TMCO6: variants seen among roughly 807,000 people sequenced by gnomAD.
TMCO6 encodes the protein transmembrane and coiled-coil domain-containing protein 6.
A neutral mutation model predicts 61.8 loss-of-function variants in TMCO6; 47 were observed. That is an observed-to-expected ratio of 0.76 (90% CI 0.60 to 0.97). TMCO6 has a LOEUF of 0.97. Ranked by LOEUF, TMCO6 falls within the 50% of genes least tolerant of loss-of-function variation. TMCO6 has a pLI of 0.00. For synonymous variants in TMCO6, 261 were observed against 254.2 expected (o/e 1.03, Z -0.25); for missense variants, 557 against 601.6 (o/e 0.93, Z 0.78).
chr5:140,602,377 A>G, the TMCO6 span, among the ~76,000 whole-genome samples: 1 of 152,164 alleles, frequency 6.6e-6, no homozygotes, highest in East Asian at 1.9e-4. Context: ...TCCCACTTAT[A>G]GTACTTAGAG....
downstream of TMCO6, among the ~76,000 whole-genome samples, chr5:140,646,160 G>A (rs866076099): frequency 3.3e-5 from 5 of 151,938 alleles, no homozygotes; most frequent in Admixed American, 1.3e-4. Context: ...ACAGGTGCCC[G>A]CCACCACACC....
rs1308015041 is a variant in TMCO6, at chr5:140,645,276, C to T, written c.*178C>T. The T allele has an allele frequency of 2.8e-6, 2 of 718,552 alleles. No homozygotes were observed. The highest frequency in any genetic ancestry group is 4.7e-6 in the Non-Finnish European group (2 of 422,374). 44.5% of individuals were successfully genotyped at this position (718,552 alleles called of 1,614,324 possible). ...ACTCAGCACTATCCAGGCAGGAGGA[C>T]CAAAAGGGACTCAGTGTGGTCTACT... On this transcript the variant is annotated 3_prime_UTR_variant, in exon 12 of 12. Transcript: ENST00000394671.
At chr5:140,614,132 C>T in the TMCO6 span, among the ~76,000 whole-genome samples, 2 of 152,096 alleles carry the variant, frequency 1.3e-5, no homozygotes, top group African/African-American at 4.8e-5. Flanking sequence ...ATCTCCTGAC[C>T]TTGTGATCCG....
chr5:140,647,544 G>C (rs35672074), downstream of TMCO6: 1,833 of 1,611,968 alleles, frequency 1.1e-3, 10 homozygotes, highest in Non-Finnish European at 9.6e-4. Context: ...CGCAGGCCCA[G>C]CTTTGCCCCG....
At position 140,644,708 on chromosome 5, in the gene TMCO6, C is replaced by T; in HGVS notation, c.1336C>T (p.Leu446=). The T allele has an allele frequency of 6.2e-7, 1 of 1,614,230 alleles. No homozygotes were observed. Among genetic ancestry groups the T allele is most frequent in the Non-Finnish European group, 8.5e-7 (1 of 1,180,040 alleles). Residue 446 remains leucine, a synonymous_variant, in exon 11 of 12, where the codon CTG becomes TTG. Transcript: ENST00000394671. ...DTEVVGQSLE[L]LHLLFLYQPE... is the part of the protein sequence containing the mutation. ...TGAAGTAGTAGGCCAGAGTTTGGAG[C>T]TGCTGCATCTGCTGTTCCTGTATCA... is the stretch of plus-strand genomic sequence containing the variant.
In TMCO6 at chr5:140,641,791, A is replaced by G. The variant is rs1422746779; in HGVS notation, c.314+11A>G. The stretch of plus-strand genomic sequence containing the variant: ...GCAAACCTTCATCCGGTCAGTGTGG[A>G]TGGTGTGGTGGAGGGAGGAGTTGGG... On this transcript the variant is annotated intron_variant, in intron 3 of 11. Coordinates refer to ENST00000394671, the MANE Select transcript of TMCO6 (RefSeq NM_018502.5). 1 of 1,614,072 alleles carries G rather than the reference A, an allele frequency of 6.2e-7. No individual in the cohort carries two copies. Among genetic ancestry groups the G allele is most frequent in the African/African-American group, 1.3e-5 (1 of 74,936 alleles).
upstream of TMCO6, among the ~76,000 whole-genome samples, chr5:140,638,566 T>C (rs1756836195): frequency 1.9e-5 from 1 of 51,970 alleles, no homozygotes; most frequent in Non-Finnish European, 4.2e-5. Context: ...TCTTTCTTTC[T>C]TTTTTTTTTT....
At chr5:140,613,025 C>A in the TMCO6 span, among the ~76,000 whole-genome samples, 1 of 152,062 alleles carries the variant, frequency 6.6e-6, no homozygotes, top group Non-Finnish European at 1.5e-5. Flanking sequence ...AAAAAAGATA[C>A]AAATAAAGAA....
At chr5:140,611,123 C>T in the TMCO6 span, among the ~76,000 whole-genome samples, 47 of 152,244 alleles carry the variant, frequency 3.1e-4, no homozygotes, top group African/African-American at 1.1e-3. Flanking sequence ...GGGCTTCTAA[C>T]CAAGTTAGGT....
the TMCO6 span, chr5:140,633,076 G>A: frequency 6.2e-7 from 1 of 1,614,138 alleles, no homozygotes; most frequent in Non-Finnish European, 8.5e-7. Context: ...CACCATGGTC[G>A]ATAAGTCTTC....
chr5:140,628,237 T>A, the TMCO6 span, among the ~76,000 whole-genome samples: 1 of 152,038 alleles, frequency 6.6e-6, no homozygotes, highest in African/African-American at 2.4e-5. Flanking sequence ...ATCTATGACA[T>A]GCTTGGATAT....
chr5:140,645,124 C>G lies in TMCO6; in HGVS notation c.*26C>G. 6.2e-7 allele frequency: 1 copy of G among 1,600,574 alleles called. No individual in the cohort carries two copies. Among genetic ancestry groups the G allele is most frequent in the Non-Finnish European group, 8.6e-7 (1 of 1,168,038 alleles). On this transcript the variant is annotated 3_prime_UTR_variant, in exon 12 of 12. Coordinates refer to ENST00000394671, the MANE Select transcript of TMCO6 (RefSeq NM_018502.5). Reference sequence around the variant, plus strand: ...TCTTGTTTCTCAATGTCACTCATTCCCCTCTCTCTTAACATCAAGCTTGTT... The same window carrying G: ...TCTTGTTTCTCAATGTCACTCATTCGCCTCTCTCTTAACATCAAGCTTGTT...
chr5:140,636,479 AT>A (rs199973234), upstream of TMCO6, among the ~76,000 whole-genome samples: 32,531 of 148,498 alleles, frequency 0.22, 4,093 homozygotes, highest in East Asian at 0.29. Context: ...AAAAAAAAAA[AT>A]AAATAAATAA....
chr5:140,639,978 C>A, intron 2 of TMCO6, 127 bp downstream of exon 2: 1 of 741,776 alleles, frequency 1.3e-6, no homozygotes, highest in South Asian at 1.7e-5. Context: ...GTGGGTCAAG[C>A]CAGAAACAGG....
chr5:140,640,946 A>C (rs2149791484), intron 2 of TMCO6: 1 of 153,422 alleles, frequency 6.5e-6, no homozygotes, highest in South Asian at 2.1e-4. Context: ...TACCGTACAT[A>C]CCATGTTGAC....
rs545594648 is a variant in TMCO6, at chr5:140,641,863, C to A, written c.315-7C>A. On this transcript the variant is annotated splice_region_variant and splice_polypyrimidine_tract_variant and intron_variant, in intron 3 of 11. Coordinates refer to ENST00000394671, the MANE Select transcript of TMCO6 (RefSeq NM_018502.5). ...GCTAAGCAGGGCTCTGGTACTCACT[C>A]ACATAGGCTGGAGGGCAGCATGCGG... is the stretch of plus-strand genomic sequence containing the variant. 1 of 1,613,080 alleles carries A rather than the reference C, an allele frequency of 6.2e-7. No homozygotes were observed. Among genetic ancestry groups the A allele is most frequent in the East Asian group, 2.2e-5 (1 of 44,840 alleles).
In TMCO6 at chr5:140,643,766, A is replaced by G. The variant is rs562220719; in HGVS notation, c.919-14A>G. ...CTTCCTTCTTACACCTGACCCCCCAATTTGTCTTTGCAGCTGGCATGCCCC... is the reference window on the plus strand; with the variant it reads ...CTTCCTTCTTACACCTGACCCCCCAGTTTGTCTTTGCAGCTGGCATGCCCC... On this transcript the variant is annotated splice_polypyrimidine_tract_variant and intron_variant, in intron 8 of 11. Transcript: ENST00000394671. The G allele has an allele frequency of 5.2e-5, 84 of 1,612,204 alleles. No homozygotes were observed. The highest frequency in any genetic ancestry group is 1.6e-4 in the South Asian group (15 of 91,026).
At chr5:140,614,432 C>G in the TMCO6 span, among the ~76,000 whole-genome samples, 1 of 151,896 alleles carries the variant, frequency 6.6e-6, no homozygotes, top group African/African-American at 2.4e-5. Context: ...TGCTTGAACC[C>G]GGGAAGCAGA....
In TMCO6 at chr5:140,645,176, G is replaced by A; in HGVS notation, c.*78G>A. The A allele has an allele frequency of 6.9e-7, 1 of 1,440,112 alleles. No homozygotes were observed. The highest frequency in any genetic ancestry group is 9.7e-7 in the Non-Finnish European group (1 of 1,030,542). 89.2% of individuals were successfully genotyped at this position (1,440,112 alleles called of 1,614,324 possible). Reference sequence around the variant, plus strand: ...GTCCAGTAGAGCCTTTGGAGATTTAGGACCATAATGAGGTCTCATGTTCTC... The same window carrying A: ...GTCCAGTAGAGCCTTTGGAGATTTAAGACCATAATGAGGTCTCATGTTCTC... On this transcript the variant is annotated 3_prime_UTR_variant, in exon 12 of 12. Transcript: ENST00000394671.
Sources: allele counts gnomAD v4.1 joint callset (sites outside exome capture counted in the v4.1 genomes callset), GRCh38; gene constraint gnomAD v4.1.1; transcripts MANE v1.5; gene names NCBI Gene and HGNC (gene_info 2026-07-23, HGNC 2026-07-21).